FBXL17: variants seen among roughly 807,000 people sequenced by gnomAD.
FBXL17 encodes F-box/LRR-repeat protein 17.
Under a neutral mutation model 66.2 loss-of-function variants are expected in FBXL17, and 22 were observed. The observed-to-expected ratio is 0.33, with a 90% CI of 0.24 to 0.47. FBXL17 has a LOEUF of 0.47. FBXL17 is among the 20% of genes least tolerant of loss of function. The probability of loss-of-function intolerance (pLI) is 1.00; values close to 1 mark genes in which losing one functional copy is unlikely to be tolerated. For synonymous variants in FBXL17, 474 were observed against 400.5 expected, an observed-to-expected ratio of 1.18 and a Z score of -2.19; for missense variants, 878 against 948.2, an observed-to-expected ratio of 0.93 and a Z score of 0.97.
intron 6 of FBXL17, among the ~76,000 whole-genome samples, chr5:108,029,657 T>C (rs1754958088): frequency 1.3e-5 from 2 of 152,112 alleles, no homozygotes; most frequent in Non-Finnish European, 2.9e-5. Flanking sequence ...TTTATAGAAA[T>C]ATGTGGACTA....
At chr5:108,224,590 GTTTT>G (rs920632354) in intron 4 of FBXL17, among the ~76,000 whole-genome samples, 3 of 151,286 alleles carry the variant, frequency 2.0e-5, no homozygotes, top group Non-Finnish European at 2.9e-5. Flanking sequence ...TTGTTTTGGG[GTTTT>G]TTGTTTTGTT....
At chr5:108,334,855 T>C (rs898210581) in intron 4 of FBXL17, among the ~76,000 whole-genome samples, 1 of 152,164 alleles carries the variant, frequency 6.6e-6, no homozygotes, top group African/African-American at 2.4e-5. Context: ...ACGTTAATAG[T>C]AAATGAAACC....
intron 7 of FBXL17, among the ~76,000 whole-genome samples, chr5:107,977,076 A>G (rs1752607610): frequency 6.6e-6 from 1 of 152,208 alleles, no homozygotes; most frequent in Non-Finnish European, 1.5e-5. Flanking sequence ...GGGGCAAAAA[A>G]TATCTAGTTG....
intron 6 of FBXL17, among the ~76,000 whole-genome samples, chr5:108,111,419 T>G (rs544345766): frequency 7.7e-6 from 1 of 129,138 alleles, no homozygotes; most frequent in Non-Finnish European, 1.7e-5. Flanking sequence ...TAGTTCAAAC[T>G]GAAGTCAGAT....
At chr5:108,120,444 T>C (rs1398677107) in intron 6 of FBXL17, among the ~76,000 whole-genome samples, 1 of 152,220 alleles carries the variant, frequency 6.6e-6, no homozygotes, top group African/African-American at 2.4e-5. Context: ...ACTGAATGTG[T>C]ACTTGGATGC....
chr5:108,321,591 T>G (rs1759620308), intron 4 of FBXL17, among the ~76,000 whole-genome samples: 1 of 151,920 alleles, frequency 6.6e-6, no homozygotes, highest in Non-Finnish European at 1.5e-5. Context: ...GAAATTTACA[T>G]TGCTACTGCT....
intron 6 of FBXL17, among the ~76,000 whole-genome samples, chr5:108,150,160 C>T (rs993364011): frequency 3.3e-5 from 5 of 152,136 alleles, no homozygotes; most frequent in Non-Finnish European, 7.4e-5. Context: ...CATGCATCTC[C>T]TAAGTACTAG....
intron 6 of FBXL17, among the ~76,000 whole-genome samples, chr5:108,048,282 C>T (rs934317955): frequency 2.6e-4 from 40 of 152,176 alleles, no homozygotes; most frequent in Admixed American, 2.4e-3. Context: ...CAACAGAAGT[C>T]CCCACACAAA....
intron 7 of FBXL17, among the ~76,000 whole-genome samples, chr5:107,891,214 G>T (rs1178848564): frequency 6.6e-6 from 1 of 152,162 alleles, no homozygotes; most frequent in Non-Finnish European, 1.5e-5. Flanking sequence ...CAAGCCATGA[G>T]GTAGGAAGAC....
At chr5:108,116,094 C>T (rs1262015709) in intron 6 of FBXL17, among the ~76,000 whole-genome samples, 1 of 151,822 alleles carries the variant, frequency 6.6e-6, no homozygotes, top group East Asian at 1.9e-4. Context: ...GAACAAAATC[C>T]CCATAGAAAG....
chr5:107,971,634 A>G (rs1456273272), intron 7 of FBXL17, among the ~76,000 whole-genome samples: 1 of 152,212 alleles, frequency 6.6e-6, no homozygotes, highest in Non-Finnish European at 1.5e-5. Flanking sequence ...ACCGTAAATT[A>G]GGTTTCATTG....
chr5:108,278,929 C>G (rs889744917), intron 4 of FBXL17, among the ~76,000 whole-genome samples: 2 of 152,168 alleles, frequency 1.3e-5, no homozygotes, highest in Non-Finnish European at 2.9e-5. Flanking sequence ...ATCCAGGGTC[C>G]TAAAGGTTAC....
Position 108,262,082 on chromosome 5 carries a change from A to AT in FBXL17, c.1507-37855dup, listed in dbSNP as rs769903670. On this transcript the variant is annotated intron_variant, in intron 4 of 8. Transcript: ENST00000542267. ...TATTTATTTATTTATTTATTTATTT[A>AT]TTTATTTTTTTTGAGACAGAGTCTC... 7.4e-3 allele frequency among the ~76,000 whole-genome samples: 849 copies of AT among 114,188 alleles called. 16 individuals are homozygous for AT. Among genetic ancestry groups the AT allele is most frequent in the African/African-American group, 0.023 (742 of 31,720 alleles). The allele number at this position is 114,188 out of a possible 152,430, so 74.9% of individuals were successfully genotyped here. A position where few individuals can be genotyped will look rare whatever the true frequency, so the allele number is the denominator to read the frequency against.
chr5:108,020,935 G>A lies in FBXL17; in HGVS notation c.1812C>T (p.Ile604=), dbSNP rs765733636. ...TGGTTCATTACCTACCATAATCTGT[G>A]ATTTTACAGGACACCAAATATAGCT... ...LKELYLVSCK[I]TDYALIAIGR... is the part of the protein sequence containing the mutation. Residue 604 remains isoleucine, a synonymous_variant, in exon 7 of 9, where the codon ATC becomes ATT. Transcript: ENST00000542267. 2.5e-6 allele frequency: 4 copies of A among 1,606,876 alleles called. No individual in the cohort carries two copies. Among genetic ancestry groups the A allele is most frequent in the Non-Finnish European group, 3.4e-6 (4 of 1,174,336 alleles).
chr5:108,069,587 A>G (rs1474039871), intron 6 of FBXL17, among the ~76,000 whole-genome samples: 1 of 152,250 alleles, frequency 6.6e-6, no homozygotes, highest in Non-Finnish European at 1.5e-5. Context: ...CTCATTAAAA[A>G]GCATGATTCT....
chr5:107,991,576 A>G (rs1179810868), intron 7 of FBXL17, among the ~76,000 whole-genome samples: 2 of 152,216 alleles, frequency 1.3e-5, no homozygotes, highest in African/African-American at 4.8e-5. Context: ...TGTCAGGAAG[A>G]AAGATTGTAT....
chr5:108,077,136 G>T (rs1748584250), intron 6 of FBXL17, among the ~76,000 whole-genome samples: 1 of 152,138 alleles, frequency 6.6e-6, no homozygotes, highest in Admixed American at 6.5e-5. Context: ...GTAAATACTT[G>T]GCTTGACTTC....
At chr5:108,159,595 C>A (rs1033834064) in intron 6 of FBXL17, among the ~76,000 whole-genome samples, 1 of 152,130 alleles carries the variant, frequency 6.6e-6, no homozygotes, top group East Asian at 1.9e-4. Context: ...CCTCACCAGA[C>A]CCCAACAATG....
At chr5:108,082,407 T>C (rs185861416) in intron 6 of FBXL17, among the ~76,000 whole-genome samples, 1 of 152,290 alleles carries the variant, frequency 6.6e-6, no homozygotes, top group Non-Finnish European at 1.5e-5. Flanking sequence ...GAGTCAATAT[T>C]ATCAATAAGT....
Sources: gnomAD v4.1 joint callset for allele counts (sites outside exome capture counted in the v4.1 genomes callset) on GRCh38, gnomAD v4.1.1 for gene constraint, MANE v1.5 for transcripts, NCBI Gene and HGNC (gene_info 2026-07-23, HGNC 2026-07-21) for gene names.